Variants in GRID1 observed in about 807,000 individuals in gnomAD.
The protein encoded by GRID1 is glutamate ionotropic receptor delta type subunit 1, also known as glutamate receptor ionotropic, delta-1.
In GRID1, 28 loss-of-function variants were observed where a neutral mutation model predicts 98.0. That is an observed-to-expected ratio of 0.29 (90% CI 0.21 to 0.39). The LOEUF (loss-of-function observed/expected upper bound fraction) is 0.39, where lower values mean the gene tolerates loss of function less well. Among genes scored for constraint, GRID1 ranks in the 10% least tolerant of loss-of-function variants. The probability of loss-of-function intolerance (pLI) is 1.00; values close to 1 mark genes in which losing one functional copy is unlikely to be tolerated. For synonymous variants in GRID1, 553 were observed against 538.5 expected, an observed-to-expected ratio of 1.03 and a Z score of -0.37; for missense variants, 1,111 against 1,340.5, an observed-to-expected ratio of 0.83 and a Z score of 2.67.
At chr10:85,724,709 G>GA in intron 10 of GRID1, 33 bp from the exon 11 acceptor site, 1 of 1,563,412 alleles carries the variant, frequency 6.4e-7, no homozygotes, top group Non-Finnish European at 8.7e-7. Context: ...TTAGACGGCA[G>GA]TCCTCAGCTT....
At chr10:86,086,614 G>GC (rs1371961044) in intron 4 of GRID1, among the ~76,000 whole-genome samples, 1 of 152,204 alleles carries the variant, frequency 6.6e-6, no homozygotes, top group African/African-American at 2.4e-5. Context: ...GCCTGTGTGC[G>GC]CAAGTGTGTG....
chr10:86,133,923 A>G (rs2131968450), intron 4 of GRID1, among the ~76,000 whole-genome samples: 1 of 152,358 alleles, frequency 6.6e-6, no homozygotes, highest in South Asian at 2.1e-4. Context: ...TAAAGAAAAC[A>G]AACAGTTTAA....
chr10:85,940,451 T>C (rs1455984584), intron 4 of GRID1, among the ~76,000 whole-genome samples: 1 of 152,154 alleles, frequency 6.6e-6, no homozygotes, highest in Non-Finnish European at 1.5e-5. Flanking sequence ...TCTCCAAAGC[T>C]ATTGGGATGA....
intron 3 of GRID1, among the ~76,000 whole-genome samples, chr10:86,158,665 G>A (rs1226892929): frequency 6.6e-6 from 1 of 152,274 alleles, no homozygotes; most frequent in South Asian, 2.1e-4. Flanking sequence ...ACATGGCTGA[G>A]AGGTTTGTGT....
At chr10:86,316,852 G>T (rs948907949) in intron 2 of GRID1, among the ~76,000 whole-genome samples, 2 of 152,202 alleles carry the variant, frequency 1.3e-5, no homozygotes, top group African/African-American at 4.8e-5. Flanking sequence ...GGACAGGCTG[G>T]CATTCAGAAG....
intron 8 of GRID1, among the ~76,000 whole-genome samples, chr10:85,802,715 C>CAA (rs36012086): frequency 6.7e-6 from 1 of 149,194 alleles, no homozygotes; most frequent in Admixed American, 6.7e-5. Context: ...AATAAATATA[C>CAA]AAAAAAAAAC....
At chr10:86,229,781 C>G (rs1846421785) in intron 2 of GRID1, among the ~76,000 whole-genome samples, 1 of 152,196 alleles carries the variant, frequency 6.6e-6, no homozygotes, top group Non-Finnish European at 1.5e-5. Flanking sequence ...TCTGCTGTAG[C>G]CTCCTCCACA....
chr10:85,880,323 A>C (rs534908759), intron 5 of GRID1, among the ~76,000 whole-genome samples: 2 of 152,306 alleles, frequency 1.3e-5, no homozygotes, highest in East Asian at 3.9e-4. Context: ...CAACCAAAAA[A>C]GAGAATTTTA....
At chr10:85,650,794 C>T (rs988135058) in intron 12 of GRID1, among the ~76,000 whole-genome samples, 3 of 152,138 alleles carry the variant, frequency 2.0e-5, no homozygotes, top group African/African-American at 7.2e-5. Context: ...CCTGAGAAGG[C>T]ATTTGGGTAA....
At chr10:86,204,231 T>C (rs886738190) in intron 3 of GRID1, among the ~76,000 whole-genome samples, 2 of 152,220 alleles carry the variant, frequency 1.3e-5, no homozygotes, top group African/African-American at 4.8e-5. Flanking sequence ...CCATTCCTCC[T>C]TTGTTTTGTG....
chr10:86,128,135 C>T (rs142548285), intron 4 of GRID1, among the ~76,000 whole-genome samples: 1 of 151,836 alleles, frequency 6.6e-6, no homozygotes, highest in Admixed American at 6.6e-5. Context: ...AAAGCATCAT[C>T]GTGGCCCCAG....
chr10:86,264,840 A>G, intron 2 of GRID1: 1 of 453,560 alleles, frequency 2.2e-6, no homozygotes, highest in South Asian at 1.6e-5. Context: ...GGCCCTGCAG[A>G]CGAGGAAGCC....
chr10:86,206,481 C>T lies in GRID1; in HGVS notation c.403G>A (p.Asp135Asn), dbSNP rs757721941. Residue 135 changes from aspartate (D) to asparagine (N), a missense_variant, in exon 3 of 16, where the codon GAT becomes AAT. Transcript: ENST00000327946. This position sits in a 1 kb window ranked among gnomAD's most constrained non-coding sequence, Gnocchi z 4.1. ...GAAGCCAGTGTGTAGGCCTCACCATCGGGGCTGGGGTTCAGGTGGCATGCG... is the reference window on the plus strand; with the variant it reads ...GAAGCCAGTGTGTAGGCCTCACCATTGGGGCTGGGGTTCAGGTGGCATGCG... The part of the protein sequence containing the change: ...RTACHLNPSP[D>N]GEAYTLASRP... 13 of 1,614,058 alleles carry T rather than the reference C, an allele frequency of 8.1e-6. No homozygotes were observed. Among genetic ancestry groups the T allele is most frequent in the African/African-American group, 1.3e-5 (1 of 74,924 alleles).
chr10:86,250,875 T>C (rs1341092190), intron 2 of GRID1, among the ~76,000 whole-genome samples: 1 of 152,176 alleles, frequency 6.6e-6, no homozygotes, highest in Non-Finnish European at 1.5e-5. Flanking sequence ...CGGGCCATGA[T>C]GACAAAGGAG....
At chr10:86,216,579 T>C (rs540372942) in intron 2 of GRID1, among the ~76,000 whole-genome samples, 2 of 152,284 alleles carry the variant, frequency 1.3e-5, no homozygotes, top group South Asian at 4.2e-4. Context: ...TCCTGGGCAA[T>C]TCACTTTATC....
chr10:85,728,446 A>G (rs184857438), intron 9 of GRID1, among the ~76,000 whole-genome samples: 1 of 152,362 alleles, frequency 6.6e-6, no homozygotes, highest in Non-Finnish European at 1.5e-5. Context: ...CTTCTCATCC[A>G]GGATAGTAAG....
chr10:86,081,322 T>A (rs895103055), intron 4 of GRID1, among the ~76,000 whole-genome samples: 1 of 152,142 alleles, frequency 6.6e-6, no homozygotes, highest in Non-Finnish European at 1.5e-5. Flanking sequence ...AGCTGACTGA[T>A]ATGATCCATT....
intron 12 of GRID1, among the ~76,000 whole-genome samples, chr10:85,693,191 G>C (rs1056993927): frequency 3.3e-5 from 5 of 152,270 alleles, no homozygotes; most frequent in African/African-American, 1.2e-4. Flanking sequence ...ATGTATTTGA[G>C]AGATTTAGGG....
At chr10:86,022,404 T>C (rs1479387784) in intron 4 of GRID1, among the ~76,000 whole-genome samples, 1 of 152,150 alleles carries the variant, frequency 6.6e-6, no homozygotes, top group African/African-American at 2.4e-5. Flanking sequence ...GTCTGGTGGC[T>C]CCTGCGTAGG....
Sources: allele counts gnomAD v4.1 joint callset (sites outside exome capture counted in the v4.1 genomes callset), GRCh38; gene constraint gnomAD v4.1.1; non-coding constraint Gnocchi (gnomAD v3.1); transcripts MANE v1.5; gene names NCBI Gene and HGNC (gene_info 2026-07-23, HGNC 2026-07-21).